CEP120: variants seen among roughly 807,000 people sequenced by gnomAD.
The protein encoded by CEP120 is centrosomal protein 120, also known as centrosomal protein of 120 kDa.
CEP120 carries 113 observed loss-of-function variants against 126.5 expected under a neutral mutation model. The observed-to-expected ratio is 0.89, with a 90% CI of 0.77 to 1.04. The LOEUF (loss-of-function observed/expected upper bound fraction) is 1.04, where lower values mean the gene tolerates loss of function less well. CEP120 is among the 50% of genes least tolerant of loss of function. The pLI is 0.00. For synonymous variants in CEP120, 400 were observed against 394.3 expected (o/e 1.01, Z -0.17); for missense variants, 1,230 against 1,155.7 (o/e 1.06, Z -0.93).
At chr5:123,374,964 A>G (rs1359442445) in intron 16 of CEP120, among the ~76,000 whole-genome samples, 1 of 152,128 alleles carries the variant, frequency 6.6e-6, no homozygotes, top group Non-Finnish European at 1.5e-5. Flanking sequence ...GGTGACTGCT[A>G]TAATCTATTT....
chr5:123,386,710 A>G (rs890367851), intron 9 of CEP120, 43 bp from the exon 10 acceptor site: 5 of 1,316,146 alleles, frequency 3.8e-6, no homozygotes, highest in Non-Finnish European at 5.0e-6. Flanking sequence ...CCTTAATGAT[A>G]TGGTTTACAG....
At chr5:123,398,488 A>G (rs1344574145) in intron 5 of CEP120, among the ~76,000 whole-genome samples, 1 of 152,184 alleles carries the variant, frequency 6.6e-6, no homozygotes, top group Non-Finnish European at 1.5e-5. Flanking sequence ...GCTTACAATG[A>G]AAGTGGCAGG....
At chr5:123,388,380 G>A (rs1431053725) in intron 9 of CEP120, 52 bp downstream of exon 9, 3 of 1,276,122 alleles carry the variant, frequency 2.4e-6, no homozygotes, top group Non-Finnish European at 3.2e-6. Flanking sequence ...CCAAACACAG[G>A]AAAGTCCTTT....
At position 123,423,024 on chromosome 5, in the gene CEP120, A is replaced by G. The variant is rs746840154; in HGVS notation, c.-26T>C. 4.3e-6 allele frequency: 7 copies of G among 1,610,366 alleles called. No individual in the cohort carries two copies. Among genetic ancestry groups the G allele is most frequent in the Middle Eastern group, 3.3e-4 (2 of 6,060 alleles). ...GGTTGCGGTGAGCGGTCCGGGGGCGAAGGCGGCTGGGGGGAAGTGAGGTCC... is the reference window on the plus strand; with the variant it reads ...GGTTGCGGTGAGCGGTCCGGGGGCGGAGGCGGCTGGGGGGAAGTGAGGTCC... On this transcript the variant is annotated 5_prime_UTR_variant, in exon 1 of 20. Coordinates refer to ENST00000306467, the MANE Select transcript of CEP120 (RefSeq NM_001375405.1).
intron 18 of CEP120, among the ~76,000 whole-genome samples, chr5:123,359,833 A>G (rs1489897798): frequency 5.3e-5 from 8 of 152,038 alleles, no homozygotes; most frequent in Non-Finnish European, 1.2e-4. Context: ...ATTCACAAAT[A>G]GACTATCCTG....
chr5:123,398,471 G>A (rs181575896), intron 5 of CEP120, among the ~76,000 whole-genome samples: 2 of 152,156 alleles, frequency 1.3e-5, no homozygotes, highest in African/African-American at 4.8e-5. Flanking sequence ...GACTAGGCCT[G>A]CTTACTGCTT....
chr5:123,411,482 A>G (rs904380956), intron 4 of CEP120, among the ~76,000 whole-genome samples: 20 of 152,344 alleles, frequency 1.3e-4, no homozygotes, highest in African/African-American at 4.8e-4. Flanking sequence ...ACTGTGATAC[A>G]TCCAGACAAT....
intron 18 of CEP120, among the ~76,000 whole-genome samples, chr5:123,359,750 C>T (rs1016343083): frequency 6.6e-5 from 10 of 151,860 alleles, no homozygotes; most frequent in Admixed American, 1.3e-4. Context: ...ACCACTGGTA[C>T]GGTTGTGAAT....
chr5:123,361,545 C>T (rs552451487), intron 18 of CEP120, among the ~76,000 whole-genome samples: 2 of 151,836 alleles, frequency 1.3e-5, no homozygotes, highest in Non-Finnish European at 2.9e-5. Context: ...TACTGACACT[C>T]TTGCACATCT....
chr5:123,365,594 T>C (rs963253207), intron 17 of CEP120, among the ~76,000 whole-genome samples: 3 of 151,690 alleles, frequency 2.0e-5, no homozygotes, highest in African/African-American at 7.2e-5. Context: ...TCAAGGTCTT[T>C]TCTGCTTTAC....
chr5:123,357,639 G>A (rs1028836577), intron 18 of CEP120, among the ~76,000 whole-genome samples: 2 of 152,132 alleles, frequency 1.3e-5, no homozygotes, highest in Non-Finnish European at 2.9e-5. Flanking sequence ...ACGTGCACCT[G>A]TAGTCCCAGA....
rs1018521438 is a variant in CEP120 at position 123,350,824 on chromosome 5, A to G, written c.2581-735T>C. ...GTTTAACAATTCTTCAGGTCAATAG[A>G]TAAAGTCTTTTAAAATAAATGAGTA... is the stretch of plus-strand genomic sequence containing the variant. On this transcript the variant is annotated intron_variant, in intron 18 of 19. Transcript: ENST00000306467. Among the ~76,000 whole-genome samples, 81 of 152,200 alleles carry G rather than the reference A, an allele frequency of 5.3e-4. 3 individuals carry two copies. Among genetic ancestry groups the G allele is most frequent in the Non-Finnish European group, 1.5e-5 (1 of 68,032 alleles).
intron 4 of CEP120, among the ~76,000 whole-genome samples, chr5:123,409,099 C>T (rs910270990): frequency 1.3e-5 from 2 of 151,958 alleles, no homozygotes; most frequent in African/African-American, 4.8e-5. Context: ...GGATTTATCC[C>T]AGGTATGCAA....
At chr5:123,411,959 G>A (rs1338123410) in intron 4 of CEP120, among the ~76,000 whole-genome samples, 1 of 152,080 alleles carries the variant, frequency 6.6e-6, no homozygotes, top group African/African-American at 2.4e-5. Flanking sequence ...GGAGTATATA[G>A]GAGAACTCTC....
intron 2 of CEP120, among the ~76,000 whole-genome samples, chr5:123,416,486 A>T (rs765884018): frequency 1.3e-5 from 2 of 152,014 alleles, no homozygotes; most frequent in Non-Finnish European, 2.9e-5. Flanking sequence ...CAGGGGAATT[A>T]TGTGAACCTG....
intron 4 of CEP120, among the ~76,000 whole-genome samples, chr5:123,407,609 G>A (rs1334327188): frequency 6.6e-6 from 1 of 152,334 alleles, no homozygotes; most frequent in South Asian, 2.1e-4. Flanking sequence ...GCTGCAAGGA[G>A]AAATAGTTGA....
At chr5:123,403,652 A>C (rs562688882) in intron 4 of CEP120, 5 of 375,126 alleles carry the variant, frequency 1.3e-5, no homozygotes, top group South Asian at 1.0e-4. Context: ...CAAGTAATCA[A>C]AGTTAGCATC....
Position 123,399,131 on chromosome 5 carries a change from C to A in CEP120, c.612+5G>T. 6.3e-7 allele frequency: 1 copy of A among 1,590,674 alleles called. No homozygotes were observed. Among genetic ancestry groups the A allele is most frequent in the East Asian group, 2.2e-5 (1 of 44,610 alleles). The stretch of plus-strand genomic sequence containing the variant: ...GTAAGTCACCAATCTCATGAAAAGT[C>A]TCACCTGTTCCAACTGGGTAGCAAA... On this transcript the variant is annotated splice_donor_5th_base_variant and intron_variant, in intron 5 of 19. Coordinates refer to ENST00000306467, the MANE Select transcript of CEP120 (RefSeq NM_001375405.1).
chr5:123,357,731 T>A (rs1457093654), intron 18 of CEP120, among the ~76,000 whole-genome samples: 2 of 152,088 alleles, frequency 1.3e-5, no homozygotes, highest in African/African-American at 4.8e-5. Context: ...GCCCTCCAAC[T>A]TGGGTGACAG....
Sources: gnomAD v4.1 joint callset for allele counts (sites outside exome capture counted in the v4.1 genomes callset) on GRCh38, gnomAD v4.1.1 for gene constraint, MANE v1.5 for transcripts, NCBI Gene and HGNC (gene_info 2026-07-23, HGNC 2026-07-21) for gene names.